Variants in DNAH10 observed in about 807,000 individuals in gnomAD.
The protein encoded by DNAH10 is axonemal beta dynein heavy chain 10.
In DNAH10, 348 loss-of-function variants were observed where a neutral mutation model predicts 506.6. The ratio of observed to expected loss-of-function variants is 0.69; its 90% confidence interval spans 0.63 to 0.75. The LOEUF (loss-of-function observed/expected upper bound fraction) is 0.75. Among genes scored for constraint, DNAH10 ranks in the 30% least tolerant of loss-of-function variants. The pLI is 0.00. For synonymous variants in DNAH10, 2,059 were observed against 2,198.6 expected (o/e 0.94, Z 1.78); for missense variants, 5,179 against 5,787.1 (o/e 0.89, Z 3.41).
At chr12:123,774,565 G>A (rs1435509763) in intron 5 of DNAH10, among the ~76,000 whole-genome samples, 1 of 152,176 alleles carries the variant, frequency 6.6e-6, no homozygotes, top group Non-Finnish European at 1.5e-5. Flanking sequence ...CATTAGCATT[G>A]TTTCTATAGA....
In DNAH10 at chr12:123,903,923, C is replaced by T. The variant is rs1953652277; in HGVS notation, c.9815+810C>T. 1.3e-5 allele frequency among the ~76,000 whole-genome samples: 2 copies of T among 152,218 alleles called. No homozygotes were observed. Among genetic ancestry groups the T allele is most frequent in the Non-Finnish European group, 2.9e-5 (2 of 68,040 alleles). On this transcript the variant is annotated intron_variant, in intron 57 of 78. Transcript: ENST00000673944. The surrounding 1 kb of genome is among the most constrained non-coding windows in gnomAD (Gnocchi z 4.6). ...GGAGATCAGTCTTCCTGGCCCCACA[C>T]ACGGGTCTCGCAGCCGAGAGGCTCC...
In DNAH10 at chr12:123,929,375, A is replaced by G. The variant is rs1303125052; in HGVS notation, c.12407A>G (p.Lys4136Arg). The G allele has an allele frequency of 1.2e-6, 2 of 1,612,596 alleles. No homozygotes were observed. Among genetic ancestry groups the G allele is most frequent in the Non-Finnish European group, 1.7e-6 (2 of 1,179,318 alleles). The change falls in exon 71 of 79, where the codon AAG becomes AGG. Residue 4136 changes from lysine (K) to arginine (R), a missense_variant. Coordinates refer to ENST00000673944, the MANE Select transcript of DNAH10 (RefSeq NM_001372106.1). ...MLDQCPHPAF[K>R]PLVYVLAFFH... ...GACCAGTGCCCGCACCCTGCCTTCAAGCCGCTGGTCTACGTGCTGGCGTTC... is the reference window on the plus strand; with the variant it reads ...GACCAGTGCCCGCACCCTGCCTTCAGGCCGCTGGTCTACGTGCTGGCGTTC...
rs1055017718 is a variant in DNAH10, at chr12:123,909,703, T to C, written c.9997+261T>C. Among the ~76,000 whole-genome samples the C allele has an allele frequency of 5.1e-4, 77 of 152,352 alleles. 1 individual carries two copies. The highest frequency in any genetic ancestry group is 4.3e-3 in the Admixed American group (66 of 15,308). On this transcript the variant is annotated intron_variant, in intron 58 of 78. Transcript: ENST00000673944. This position sits in a 1 kb window ranked among gnomAD's most constrained non-coding sequence, Gnocchi z 5.4. ...ATTCGGCACTAGTCCTAGCTCTCCG[T>C]GTCAGGAAACAGGATCTTCTCATTG...
At chr12:123,908,970 C>G (rs1303170259) in intron 57 of DNAH10, among the ~76,000 whole-genome samples, 3 of 152,184 alleles carry the variant, frequency 2.0e-5, no homozygotes, top group African/African-American at 7.2e-5. Context: ...CAGGCTGCCC[C>G]CTAACCACTG....
intron 18 of DNAH10, among the ~76,000 whole-genome samples, chr12:123,807,918 GA>G: frequency 6.7e-6 from 1 of 149,738 alleles, no homozygotes; most frequent in Non-Finnish European, 1.5e-5. Context: ...AGAGAGAGGA[GA>G]GAGAAGGGGA....
intron 24 of DNAH10, among the ~76,000 whole-genome samples, chr12:123,821,506 T>C (rs919737273): frequency 1.3e-5 from 2 of 152,072 alleles, no homozygotes; most frequent in Non-Finnish European, 2.9e-5. Context: ...ATTCTTTTTT[T>C]AGTTTTAGTA....
At chr12:123,817,182 T>C (rs1959168043) in intron 21 of DNAH10, among the ~76,000 whole-genome samples, 1 of 150,698 alleles carries the variant, frequency 6.6e-6, no homozygotes, top group Non-Finnish European at 1.5e-5. Context: ...ATGATGTAAC[T>C]AGGTTCTTTT....
Position 123,772,934 on chromosome 12 carries a change from A to C in DNAH10, c.497A>C (p.Asn166Thr), listed in dbSNP as rs373605047. 1.2e-5 allele frequency: 19 copies of C among 1,611,700 alleles called. No homozygotes were observed. Among genetic ancestry groups the C allele is most frequent in the Non-Finnish European group, 1.6e-5 (19 of 1,178,280 alleles). Residue 166 changes from asparagine to threonine, a missense_variant, in exon 4 of 79, where the codon AAT becomes ACT. Coordinates refer to ENST00000673944, the MANE Select transcript of DNAH10 (RefSeq NM_001372106.1). ...CAAAACGTGGTGTTTTTCCTCAGAAATACCAAAGGTACATTTCTGGCACGT... is the reference window on the plus strand; with the variant it reads ...CAAAACGTGGTGTTTTTCCTCAGAACTACCAAAGGTACATTTCTGGCACGT... ...LDQNVVFFLR[N>T]TKEAISEATD...
chr12:123,889,453 G>A (rs962590605), intron 52 of DNAH10, among the ~76,000 whole-genome samples: 19 of 152,188 alleles, frequency 1.2e-4, no homozygotes, highest in African/African-American at 1.2e-4. Context: ...CACTGGGTTT[G>A]GTAGGGAATA....
chr12:123,848,175 C>T, intron 33 of DNAH10, 80 bp downstream of exon 33: 6 of 1,534,510 alleles, frequency 3.9e-6, no homozygotes, highest in East Asian at 2.3e-5. Context: ...ACCTCCTAGT[C>T]TTTGACATGG....
Position 123,787,732 on chromosome 12 carries a change from C to A in DNAH10, c.1422-72C>A, listed in dbSNP as rs958788319. ...GTCAGAGCTTCACGGGACACTGGCT[C>A]CCCAGCCGGGGAGTGCGGCTCGGAC... is the stretch of plus-strand genomic sequence containing the variant. On this transcript the variant is annotated intron_variant, in intron 9 of 78. Transcript: ENST00000673944. The surrounding 1 kb of genome is among the most constrained non-coding windows in gnomAD (Gnocchi z 4.6). The A allele has an allele frequency of 3.9e-6, 6 of 1,547,080 alleles. No homozygotes were observed. Among genetic ancestry groups the A allele is most frequent in the Middle Eastern group, 4.1e-4 (2 of 4,838 alleles).
chr12:123,846,179 G>A lies in DNAH10; in HGVS notation c.5814+25G>A. On this transcript the variant is annotated intron_variant, in intron 32 of 78. Coordinates refer to ENST00000673944, the MANE Select transcript of DNAH10 (RefSeq NM_001372106.1). This position sits in a 1 kb window ranked among gnomAD's most constrained non-coding sequence, Gnocchi z 4.5. ...GGTGACTGCCAGCCTGGCACTTGTGGTTACCACTTACCTTGGGGCGGGGCA... is the reference window on the plus strand; with the variant it reads ...GGTGACTGCCAGCCTGGCACTTGTGATTACCACTTACCTTGGGGCGGGGCA... The A allele has an allele frequency of 6.2e-7, 1 of 1,602,186 alleles. No homozygotes were observed. The highest frequency in any genetic ancestry group is 8.5e-7 in the Non-Finnish European group (1 of 1,173,234).
intron 25 of DNAH10, among the ~76,000 whole-genome samples, chr12:123,828,776 G>T (rs1479809822): frequency 2.0e-5 from 3 of 152,182 alleles, no homozygotes; most frequent in African/African-American, 4.8e-5. Flanking sequence ...TAAAATGCAT[G>T]GGCTGGAAAG....
At chr12:123,806,314 C>G (rs988842784) in intron 18 of DNAH10, among the ~76,000 whole-genome samples, 3 of 152,188 alleles carry the variant, frequency 2.0e-5, no homozygotes, top group Non-Finnish European at 4.4e-5. Flanking sequence ...GTGCTGGACT[C>G]TTTCCAATTC....
intron 18 of DNAH10, among the ~76,000 whole-genome samples, chr12:123,806,989 C>T (rs570749461): frequency 1.2e-4 from 18 of 152,258 alleles, no homozygotes; most frequent in Non-Finnish European, 2.1e-4. Flanking sequence ...AGGATGGTTT[C>T]AATGTCCTGA....
Position 123,849,851 on chromosome 12 carries a change from A to G in DNAH10, c.6102+969A>G, listed in dbSNP as rs115682254. Among the ~76,000 whole-genome samples the G allele has an allele frequency of 2.2e-3, 340 of 152,180 alleles. 2 individuals carry two copies. Among genetic ancestry groups the G allele is most frequent in the African/African-American group, 7.9e-3 (330 of 41,536 alleles). On this transcript the variant is annotated intron_variant, in intron 34 of 78. Transcript: ENST00000673944. ...TTGTGTCAGCTGGAGACTGTTCAAT[A>G]TTTTCAGGATTCCAGTAAAGGGTCT...
chr12:123,838,746 C>A, intron 29 of DNAH10, 57 bp downstream of exon 29: 3 of 1,486,536 alleles, frequency 2.0e-6, no homozygotes, highest in South Asian at 1.2e-5. Context: ...CGCCTTCGGT[C>A]CTCCCTGGTT....
At chr12:123,807,113 T>C (rs1162285115) in intron 18 of DNAH10, among the ~76,000 whole-genome samples, 2 of 152,138 alleles carry the variant, frequency 1.3e-5, no homozygotes, top group East Asian at 3.9e-4. Context: ...TTCATTCATT[T>C]GTTCATCCAT....
intron 40 of DNAH10, among the ~76,000 whole-genome samples, chr12:123,865,441 G>A (rs963421858): frequency 9.2e-5 from 14 of 152,020 alleles, no homozygotes; most frequent in African/African-American, 3.4e-4. Context: ...TGTAAAATTT[G>A]TCAGTGCATG....
Sources: gnomAD v4.1 joint callset for allele counts (sites outside exome capture counted in the v4.1 genomes callset) on GRCh38, gnomAD v4.1.1 for gene constraint, Gnocchi (gnomAD v3.1) non-coding constraint, MANE v1.5 for transcripts, NCBI Gene and HGNC (gene_info 2026-07-23, HGNC 2026-07-21) for gene names.